Variants in ROBO2 observed in about 807,000 individuals in gnomAD.
ROBO2 encodes the protein roundabout homolog 2.
A neutral mutation model predicts 160.8 loss-of-function variants in ROBO2; 53 were observed. The ratio of observed to expected loss-of-function variants is 0.33; its 90% CI spans 0.26 to 0.41. The LOEUF (loss-of-function observed/expected upper bound fraction) is 0.41. Ranked by LOEUF, ROBO2 falls within the 10% of genes least tolerant of loss-of-function variation. The pLI, the probability that ROBO2 is intolerant of heterozygous loss-of-function variation, is 1.00. For synonymous variants in ROBO2, 664 were observed against 611.7 expected (o/e 1.09, Z -1.26); for missense variants, 1,577 against 1,722.4 (o/e 0.92, Z 1.49).
chr3:76,345,716 A>T lies in ROBO2; in HGVS notation c.109+408114A>T, dbSNP rs143733118. Among the ~76,000 whole-genome samples, 265 of 152,142 alleles carry T rather than the reference A, an allele frequency of 1.7e-3. 1 individual carries two copies. Among genetic ancestry groups the T allele is most frequent in the African/African-American group, 6.1e-3 (255 of 41,546 alleles). ...ACCCCAAAATAATTTCTTGAGCCTA[A>T]GAGACCATCACAGAACATAAAGATG... On this transcript the variant is annotated intron_variant, in intron 2 of 26. Coordinates refer to the ROBO2 transcript ENST00000487694.
chr3:76,032,756 T>G (rs965035822), intron 2 of ROBO2, among the ~76,000 whole-genome samples: 17 of 152,176 alleles, frequency 1.1e-4, no homozygotes, highest in Admixed American at 2.6e-4. Flanking sequence ...TTACATTTGC[T>G]GAGGAGTAGT....
Position 77,506,390 on chromosome 3 carries a change from A to G in ROBO2, c.806+13008A>G, listed in dbSNP as rs1260322834. Among the ~76,000 whole-genome samples, 8 of 152,032 alleles carry G rather than the reference A, an allele frequency of 5.3e-5. No homozygotes were observed. In the East Asian group the frequency reaches 1.2e-3, roughly 22 times the overall value. On this transcript the variant is annotated intron_variant, in intron 5 of 25. Coordinates refer to ENST00000461745, the Ensembl canonical transcript of ROBO2. ...TCATCATTATTATAATTATTTCTTT[A>G]TCTCCCCAACTCCCTTTGCCTTATT...
At chr3:77,379,381 C>T (rs72899114) in intron 2 of ROBO2, among the ~76,000 whole-genome samples, 6,430 of 152,024 alleles carry the variant, frequency 0.042, 423 homozygotes, top group African/African-American at 0.14. Context: ...TATCTGACTC[C>T]TGGTATGCAC....
chr3:77,305,919 C>G (rs190316976), intron 2 of ROBO2, among the ~76,000 whole-genome samples: 3 of 152,038 alleles, frequency 2.0e-5, no homozygotes, highest in African/African-American at 7.2e-5. Flanking sequence ...CCCTTTTATT[C>G]TTTTGAAGAC....
intron 2 of ROBO2, among the ~76,000 whole-genome samples, chr3:76,539,623 C>T (rs907961621): frequency 6.6e-6 from 1 of 152,102 alleles, no homozygotes; most frequent in Admixed American, 6.6e-5. Flanking sequence ...TAAAGGCATT[C>T]TACTAGAAAT....
At chr3:76,958,044 G>A (rs1348223721) in intron 2 of ROBO2, among the ~76,000 whole-genome samples, 2 of 152,074 alleles carry the variant, frequency 1.3e-5, no homozygotes, top group East Asian at 3.9e-4. Context: ...TCCTTCAAAT[G>A]TCTGATTATG....
intron 2 of ROBO2, among the ~76,000 whole-genome samples, chr3:77,165,433 G>A (rs1421151670): frequency 3.4e-5 from 5 of 147,992 alleles, no homozygotes; most frequent in Non-Finnish European, 7.5e-5. Context: ...GCGGAAGGCC[G>A]CAGGGTCCTC....
rs1560251511 is a variant in ROBO2, at chr3:76,622,220, AAGGAAGGAAGG to A, written c.110-475792_110-475782del. 4.2e-4 allele frequency among the ~76,000 whole-genome samples: 21 copies of A among 49,846 alleles called. 1 individual carries two copies. Among genetic ancestry groups the A allele is most frequent in the African/African-American group, 1.6e-3 (18 of 11,024 alleles). The allele number at this position is 49,846 out of a possible 152,430, so 32.7% of individuals were successfully genotyped here. A position where few individuals can be genotyped will look rare whatever the true frequency, so the allele number is the denominator to read the frequency against. On this transcript the variant is annotated intron_variant, in intron 2 of 26. Transcript: ENST00000487694. The stretch of plus-strand genomic sequence containing the variant: ...GAAGGAAGGAAGGAAGGAAGGAAGG[AAGGAAGGAAGG>A]AAGGAAGAAAGAAAGAAAGAAAGAA...
intron 2 of ROBO2, among the ~76,000 whole-genome samples, chr3:76,191,787 A>T (rs2107181817): frequency 6.6e-6 from 1 of 152,120 alleles, no homozygotes; most frequent in East Asian, 1.9e-4. Context: ...TTTTTGTAAT[A>T]TTTCTCACAT....
rs531599827 is a variant in ROBO2 at position 76,725,740 on chromosome 3, G to A, written c.110-372274G>A. Among the ~76,000 whole-genome samples, 59 of 152,174 alleles carry A rather than the reference G, an allele frequency of 3.9e-4. 1 individual carries two copies. The highest frequency in any genetic ancestry group is 3.9e-3 in the Admixed American group (59 of 15,282). On this transcript the variant is annotated intron_variant, in intron 2 of 26. Transcript: ENST00000487694. ...GGCAGGTATTCTCTGTTAGGTGGGG[G>A]AATGCAGGCCTCAGTGGAATTCTAC...
chr3:76,678,634 T>G (rs2092475446), intron 2 of ROBO2, among the ~76,000 whole-genome samples: 1 of 152,188 alleles, frequency 6.6e-6, no homozygotes, highest in East Asian at 1.9e-4. Context: ...TGAAACATTT[T>G]TATAGATGAA....
chr3:76,294,928 G>T (rs1420017582), intron 2 of ROBO2, among the ~76,000 whole-genome samples: 4 of 152,170 alleles, frequency 2.6e-5, no homozygotes, highest in African/African-American at 9.7e-5. Context: ...TGCCCTTGGT[G>T]TCTCTTGTTT....
At chr3:77,152,299 T>C (rs2077614302) in intron 2 of ROBO2, among the ~76,000 whole-genome samples, 1 of 152,234 alleles carries the variant, frequency 6.6e-6, no homozygotes, top group South Asian at 2.1e-4. Context: ...ACAAAACAGC[T>C]AAAATTAATT....
intron 2 of ROBO2, among the ~76,000 whole-genome samples, chr3:76,924,163 C>G (rs1237722325): frequency 2.0e-5 from 3 of 152,112 alleles, no homozygotes; most frequent in African/African-American, 7.2e-5. Context: ...ATTCTTGTCC[C>G]ATAATTTTCT....
At chr3:76,756,495 A>T (rs761691927) in intron 2 of ROBO2, among the ~76,000 whole-genome samples, 1 of 151,884 alleles carries the variant, frequency 6.6e-6, no homozygotes, top group Non-Finnish European at 1.5e-5. Context: ...TCAAATGACC[A>T]ATGAAAATAC....
intron 2 of ROBO2, among the ~76,000 whole-genome samples, chr3:76,085,111 A>G (rs1302375057): frequency 2.0e-5 from 3 of 146,940 alleles, no homozygotes; most frequent in African/African-American, 7.8e-5. Flanking sequence ...ACATATATAT[A>G]TATATACACA....
chr3:75,995,901 C>T (rs147325763), intron 2 of ROBO2, among the ~76,000 whole-genome samples: 1 of 152,194 alleles, frequency 6.6e-6, no homozygotes, highest in South Asian at 2.1e-4. Flanking sequence ...TTTGGACTTG[C>T]ATGGGCCTGT....
Position 76,783,737 on chromosome 3 carries a change from A to G in ROBO2, c.110-314277A>G, listed in dbSNP as rs940426370. ...ATATGTTGGGGTTATTTGTGCTTCA[A>G]CTATCTGGATGTTCATTTCAATATT... On this transcript the variant is annotated intron_variant, in intron 2 of 26. Transcript: ENST00000487694. 9.3e-5 allele frequency among the ~76,000 whole-genome samples: 14 copies of G among 150,974 alleles called. No homozygotes were observed. In the South Asian group the frequency reaches 1.2e-3, roughly 13 times the overall value.
At chr3:76,525,546 T>A (rs1035377563) in intron 2 of ROBO2, among the ~76,000 whole-genome samples, 3 of 151,950 alleles carry the variant, frequency 2.0e-5, no homozygotes, top group Non-Finnish European at 2.9e-5. Flanking sequence ...CTGAAAAAAA[T>A]TCTTTTATTT....
Sources: allele counts gnomAD v4.1 joint callset (sites outside exome capture counted in the v4.1 genomes callset), GRCh38; gene constraint gnomAD v4.1.1; transcripts MANE v1.5; gene names NCBI Gene and HGNC (gene_info 2026-07-23, HGNC 2026-07-21).